RBM25: variants seen among roughly 807,000 people sequenced by gnomAD.
The protein encoded by RBM25 is RNA binding motif protein 25.
A neutral mutation model predicts 120.7 loss-of-function variants in RBM25; 19 were observed. The observed-to-expected ratio is 0.16, with a 90% CI of 0.11 to 0.23. The LOEUF is 0.23. Ranked by LOEUF, RBM25 falls within the 10% of genes least tolerant of loss-of-function variation. RBM25 has a pLI of 1.00. For synonymous variants in RBM25, 390 were observed against 326.7 expected (o/e 1.19, Z -2.09); for missense variants, 605 against 1,041.5 (o/e 0.58, Z 5.77).
intron 18 of RBM25, among the ~76,000 whole-genome samples, chr14:73,116,620 C>A (rs1237126760): frequency 6.6e-6 from 1 of 152,150 alleles, no homozygotes; most frequent in Non-Finnish European, 1.5e-5. Flanking sequence ...CCTGAAGCTT[C>A]CAGCCCCGTT....
At position 73,111,669 on chromosome 14, in the gene RBM25, A is replaced by G. The variant is rs1896311808; in HGVS notation, c.2159A>G (p.Asp720Gly). The G allele has an allele frequency of 6.2e-7, 1 of 1,614,070 alleles. No homozygotes were observed. The highest frequency in any genetic ancestry group is 1.1e-5 in the South Asian group (1 of 91,094). Reference sequence around the variant, plus strand: ...CTGGTTCCCTTGGATTATGGTGAAGATGATAAAAATGCAACCAAAGGCACT... The same window carrying G: ...CTGGTTCCCTTGGATTATGGTGAAGGTGATAAAAATGCAACCAAAGGCACT... ...RKLVPLDYGE[D>G]DKNATKGTVN... is the part of the protein sequence containing the mutation. The change falls in exon 16 of 19, where the codon GAT becomes GGT. Residue 720 changes from aspartate to glycine, a missense_variant. Asp to Gly is a moderately conservative substitution (Grantham distance 94). This residue lies in a region of RBM25 where 465 missense variants were observed against 741.6 expected (regional missense o/e 0.63). Transcript: ENST00000261973.
At chr14:73,080,417 G>T (rs1025098031) in intron 4 of RBM25, among the ~76,000 whole-genome samples, 1 of 151,868 alleles carries the variant, frequency 6.6e-6, no homozygotes, top group South Asian at 2.1e-4. Flanking sequence ...TAGAGACAAG[G>T]TTTCACCATG....
intron 10 of RBM25, among the ~76,000 whole-genome samples, chr14:73,104,115 T>C (rs964048046): frequency 6.6e-6 from 1 of 152,044 alleles, no homozygotes; most frequent in African/African-American, 2.4e-5. Flanking sequence ...TGGGCAGACA[T>C]GACTCCCTGC....
Position 73,121,210 on chromosome 14 carries a change from T to TA in RBM25, c.*1408dup, listed in dbSNP as rs1402645573. Reference sequence around the variant, plus strand: ...TGGATTACTGGATTTTTTTTTTTTTTAAACACACCTGGAGAGGACATTTGA... The same window carrying TA: ...TGGATTACTGGATTTTTTTTTTTTTTAAAACACACCTGGAGAGGACATTTGA... On this transcript the variant is annotated 3_prime_UTR_variant, in exon 19 of 19. Coordinates refer to ENST00000261973, the MANE Select transcript of RBM25 (RefSeq NM_021239.3). The TA allele has an allele frequency of 6.6e-6, 1 of 152,356 alleles. No homozygotes were observed. Among genetic ancestry groups the TA allele is most frequent in the East Asian group, 1.9e-4 (1 of 5,190 alleles). The allele number at this position is 152,356 out of a possible 1,614,324, so 9.4% of individuals were successfully genotyped here.
Position 73,109,456 on chromosome 14 carries a change from A to G in RBM25, c.1656A>G (p.Ala552=). 2 of 1,614,186 alleles carry G rather than the reference A, an allele frequency of 1.2e-6. No individual in the cohort carries two copies. Among genetic ancestry groups the G allele is most frequent in the Non-Finnish European group, 1.7e-6 (2 of 1,179,994 alleles). The part of the protein sequence containing the change: ...ELEEIRQRLL[A]EGHPDPDAEL... Reference sequence around the variant, plus strand: ...AGGAAATCAGGCAGCGCCTTCTGGCAGAAGGGCATCCAGATCCAGATGCAG... The same window carrying G: ...AGGAAATCAGGCAGCGCCTTCTGGCGGAAGGGCATCCAGATCCAGATGCAG... Residue 552 remains alanine (A), a synonymous_variant, in exon 14 of 19, where the codon GCA becomes GCG. Coordinates refer to ENST00000261973, the MANE Select transcript of RBM25 (RefSeq NM_021239.3).
intron 10 of RBM25, 29 bp downstream of exon 10, chr14:73,103,507 T>C: frequency 1.3e-6 from 2 of 1,538,936 alleles, no homozygotes; most frequent in South Asian, 1.3e-5. Context: ...TACTGTTTCC[T>C]GATAGCTTTA....
At chr14:73,066,393 T>A (rs1301001704) in intron 1 of RBM25, among the ~76,000 whole-genome samples, 1 of 152,132 alleles carries the variant, frequency 6.6e-6, no homozygotes, top group African/African-American at 2.4e-5. Flanking sequence ...CCCAGCACTT[T>A]GGGAGGCCGA....
Position 73,119,995 on chromosome 14 carries a change from C to G in RBM25, c.*190C>G. On this transcript the variant is annotated 3_prime_UTR_variant, in exon 19 of 19. Transcript: ENST00000261973. ...CCTTGGTTGTAAAGTCATCTGAATC[C>G]TTGGTTCTCTTTATACTCACCAGGT... 2.6e-6 allele frequency: 2 copies of G among 769,558 alleles called. No individual in the cohort carries two copies. The highest frequency in any genetic ancestry group is 3.7e-6 in the Non-Finnish European group (2 of 537,668). The allele number at this position is 769,558 out of a possible 1,614,324, so 47.7% of individuals were successfully genotyped here. A position where few individuals can be genotyped will look rare whatever the true frequency, so the allele number is the denominator to read the frequency against.
At chr14:73,093,750 A>G (rs957197648) in intron 6 of RBM25, among the ~76,000 whole-genome samples, 2 of 151,344 alleles carry the variant, frequency 1.3e-5, no homozygotes, top group African/African-American at 4.9e-5. Context: ...CAGGTGGTCC[A>G]CCCGCCTCGG....
At chr14:73,103,968 A>C (rs1896121284) in intron 10 of RBM25, among the ~76,000 whole-genome samples, 1 of 143,188 alleles carries the variant, frequency 7.0e-6, no homozygotes, top group South Asian at 2.3e-4. Context: ...ACACACACAC[A>C]CACACACACA....
At chr14:73,087,952 C>T (rs1160718918) in intron 5 of RBM25, 49 bp from the exon 6 acceptor site, 22 of 1,560,136 alleles carry the variant, frequency 1.4e-5, no homozygotes, top group Middle Eastern at 1.7e-4. Flanking sequence ...AATTTTTTTT[C>T]TTTTGTAAGT....
At chr14:73,068,317 A>G in intron 1 of RBM25, 1 of 772,776 alleles carries the variant, frequency 1.3e-6, no homozygotes, top group Admixed American at 1.9e-5. Flanking sequence ...AAAGGATTTC[A>G]TGGTTGGAAG....
chr14:73,103,087 T>G, intron 9 of RBM25, 105 bp from the exon 10 acceptor site: 2 of 1,518,548 alleles, frequency 1.3e-6, no homozygotes, highest in Non-Finnish European at 1.8e-6. Context: ...TATTAATGTA[T>G]CAGTGGTTTG....
At chr14:73,107,167 T>C (rs1174029939) in intron 12 of RBM25, 1 of 152,256 alleles carries the variant, frequency 6.6e-6, no homozygotes, top group Non-Finnish European at 1.5e-5. Flanking sequence ...TAAGATAATC[T>C]CCAGTTTTGT....
At chr14:73,119,583 T>A (rs1257949826) in intron 18 of RBM25, 130 bp from the exon 19 acceptor site, 2 of 1,496,832 alleles carry the variant, frequency 1.3e-6, no homozygotes, top group African/African-American at 2.8e-5. Flanking sequence ...AACCTTAAAA[T>A]CTTAACTAGC....
intron 17 of RBM25, among the ~76,000 whole-genome samples, chr14:73,113,310 C>T (rs1896354391): frequency 6.6e-6 from 1 of 151,940 alleles, no homozygotes; most frequent in Non-Finnish European, 1.5e-5. Context: ...TGGTCTTGAA[C>T]TCCTGACCTC....
rs1566605530 is a variant in RBM25, at chr14:73,121,124, T to A, written c.*1319T>A. 1 of 152,470 alleles carries A rather than the reference T, an allele frequency of 6.6e-6. No homozygotes were observed. 9.4% of individuals were successfully genotyped at this position (152,470 alleles called of 1,614,324 possible). ...AATTAGATGCAACTGTTCCCATGTCTGAGTACTTATTTAAAAGAAAGGTAA... is the reference window on the plus strand; with the variant it reads ...AATTAGATGCAACTGTTCCCATGTCAGAGTACTTATTTAAAAGAAAGGTAA... On this transcript the variant is annotated 3_prime_UTR_variant, in exon 19 of 19. Coordinates refer to ENST00000261973, the MANE Select transcript of RBM25 (RefSeq NM_021239.3).
At chr14:73,067,037 G>T (rs1739343326) in intron 1 of RBM25, among the ~76,000 whole-genome samples, 1 of 150,032 alleles carries the variant, frequency 6.7e-6, no homozygotes, top group Non-Finnish European at 1.5e-5. Context: ...TTTCAGGGAT[G>T]ATTTTGGAGG....
intron 5 of RBM25, among the ~76,000 whole-genome samples, chr14:73,085,816 T>C (rs533041684): frequency 1.3e-5 from 2 of 152,342 alleles, no homozygotes; most frequent in South Asian, 4.1e-4. Context: ...AATGAGTTGC[T>C]ATCCTCAGCA....
Sources: allele counts gnomAD v4.1 joint callset (sites outside exome capture counted in the v4.1 genomes callset), GRCh38; gene constraint gnomAD v4.1.1; regional missense constraint gnomAD v4.1.1; transcripts MANE v1.5; gene names NCBI Gene and HGNC (gene_info 2026-07-23, HGNC 2026-07-21).